Variants in KCNK10 observed in about 807,000 individuals in gnomAD.
KCNK10 encodes the protein potassium two pore domain channel subfamily K member 10.
In KCNK10, 25 loss-of-function variants were observed where a neutral mutation model predicts 47.7. The observed-to-expected ratio is 0.52, with a 90% CI of 0.38 to 0.73. The LOEUF (loss-of-function observed/expected upper bound fraction) is 0.73. Ranked by LOEUF, KCNK10 falls within the 30% of genes least tolerant of loss-of-function variation. The pLI, the probability that KCNK10 is intolerant of heterozygous loss-of-function variation, is 0.00. For synonymous variants in KCNK10, 303 were observed against 285.6 expected (o/e 1.06, Z -0.61); for missense variants, 563 against 714.5 (o/e 0.79, Z 2.42).
chr14:88,261,030 A>G (rs1483568231), intron 2 of KCNK10, among the ~76,000 whole-genome samples: 1 of 152,248 alleles, frequency 6.6e-6, no homozygotes, highest in East Asian at 1.9e-4. Flanking sequence ...GAATTAATCA[A>G]CAAATGCATG....
chr14:88,317,867 A>T (rs1042580836), intron 1 of KCNK10, among the ~76,000 whole-genome samples: 2 of 133,008 alleles, frequency 1.5e-5, no homozygotes, highest in Admixed American at 7.1e-5. Context: ...TGTAGCATTT[A>T]AAAAAAAATC....
rs143556471 is a variant in KCNK10, at chr14:88,318,198, A to G, written c.52+4549T>C. On this transcript the variant is annotated intron_variant, in intron 1 of 6. Transcript: ENST00000319231. Reference sequence around the variant, plus strand: ...CCTTTCTCCTTATTTGTACTTTGCCATTTATAGCTGAGAGGCGTCCTGCAA... The same window carrying G: ...CCTTTCTCCTTATTTGTACTTTGCCGTTTATAGCTGAGAGGCGTCCTGCAA... Among the ~76,000 whole-genome samples the G allele has an allele frequency of 5.5e-3, 842 of 152,348 alleles. 3 individuals are homozygous for G. The highest frequency in any genetic ancestry group is 8.7e-3 in the Non-Finnish European group (594 of 68,034).
chr14:88,267,147 C>T (rs537941002), intron 1 of KCNK10, among the ~76,000 whole-genome samples: 5 of 152,240 alleles, frequency 3.3e-5, no homozygotes, highest in Admixed American at 1.3e-4. Flanking sequence ...TTTTTCTAAA[C>T]GTCCACAGGG....
chr14:88,260,396 G>A lies in KCNK10; in HGVS notation c.402+2806C>T, dbSNP rs894466751. 9.8e-5 allele frequency among the ~76,000 whole-genome samples: 15 copies of A among 152,314 alleles called. No homozygotes were observed. The highest frequency in any genetic ancestry group is 6.8e-3 in the Middle Eastern group (2 of 294). ...AAGCCATGCTTCCTGCACAGCCTGC[G>A]GAACTGTGAATCAATTAAACCTCTT... On this transcript the variant is annotated intron_variant, in intron 2 of 6. Coordinates refer to ENST00000319231, the MANE Select transcript of KCNK10 (RefSeq NM_138317.3). This position sits in a 1 kb window ranked among gnomAD's most constrained non-coding sequence, Gnocchi z 4.5.
intron 1 of KCNK10, among the ~76,000 whole-genome samples, chr14:88,313,550 C>A (rs1328848081): frequency 6.6e-6 from 1 of 152,166 alleles, no homozygotes; most frequent in African/African-American, 2.4e-5. Context: ...CATGGACAGG[C>A]CCACATTGGC....
At position 88,263,938 on chromosome 14, in the gene KCNK10, T is replaced by C. The variant is rs544701032; in HGVS notation, c.53-387A>G. ...TTAAAAACAAACATGTTGTTGAACT[T>C]GGAGAGGAAGTAAATAGGAGAGGGA... On this transcript the variant is annotated intron_variant, in intron 1 of 6. Transcript: ENST00000319231. Among the ~76,000 whole-genome samples, 63 of 152,272 alleles carry C rather than the reference T, an allele frequency of 4.1e-4. 2 individuals carry two copies. The South Asian group carries it at 9.1e-3, about 22-fold the overall frequency.
intron 1 of KCNK10, among the ~76,000 whole-genome samples, chr14:88,315,506 G>A (rs17124493): frequency 0.2 from 29,785 of 152,032 alleles, 3,117 homozygotes; most frequent in East Asian, 0.28. Context: ...TATTCTGCCT[G>A]TCAGGCTCAT....
chr14:88,321,598 T>C (rs1179501209), intron 1 of KCNK10, among the ~76,000 whole-genome samples: 3 of 152,038 alleles, frequency 2.0e-5, no homozygotes, highest in Non-Finnish European at 4.4e-5. Context: ...AGAGACAAAA[T>C]AGAAGGTTTG....
At chr14:88,239,781 C>T (rs1861580007) in intron 3 of KCNK10, among the ~76,000 whole-genome samples, 1 of 151,942 alleles carries the variant, frequency 6.6e-6, no homozygotes, top group South Asian at 2.1e-4. Context: ...ATCACTTGAA[C>T]CCGTGAGGCG....
At chr14:88,250,626 CT>C (rs1185162587) in intron 2 of KCNK10, among the ~76,000 whole-genome samples, 4 of 152,202 alleles carry the variant, frequency 2.6e-5, no homozygotes, top group African/African-American at 9.6e-5. Context: ...TTCCAACACG[CT>C]GCTTTCCTAA....
At chr14:88,314,114 T>G (rs1317021919) in intron 1 of KCNK10, among the ~76,000 whole-genome samples, 1 of 152,224 alleles carries the variant, frequency 6.6e-6, no homozygotes, top group Non-Finnish European at 1.5e-5. Context: ...CTTGGCCAAG[T>G]TCACACAGTG....
At chr14:88,250,482 C>A (rs1197441523) in intron 2 of KCNK10, among the ~76,000 whole-genome samples, 2 of 152,176 alleles carry the variant, frequency 1.3e-5, no homozygotes, top group African/African-American at 2.4e-5. Flanking sequence ...GCTGCCTGAG[C>A]TGCTACCTAA....
rs546036627 is a variant in KCNK10, at chr14:88,260,012, G to A, written c.402+3190C>T. Among the ~76,000 whole-genome samples the A allele has an allele frequency of 8.6e-4, 131 of 151,968 alleles. No homozygotes were observed. The highest frequency in any genetic ancestry group is 6.8e-3 in the Middle Eastern group (2 of 292). On this transcript the variant is annotated intron_variant, in intron 2 of 6. Transcript: ENST00000319231. This position sits in a 1 kb window ranked among gnomAD's most constrained non-coding sequence, Gnocchi z 4.5. Reference sequence around the variant, plus strand: ...GGCTGGAGTGCAGTGGCATGATCTCGGCTCACTGCAACCTCTGCCTCCCAG... The same window carrying A: ...GGCTGGAGTGCAGTGGCATGATCTCAGCTCACTGCAACCTCTGCCTCCCAG...
chr14:88,207,854 G>C (rs189285091), intron 4 of KCNK10, among the ~76,000 whole-genome samples: 1 of 152,130 alleles, frequency 6.6e-6, no homozygotes, highest in South Asian at 2.1e-4. Context: ...TGTTATTTGG[G>C]GGGGGTGTTG....
intron 1 of KCNK10, among the ~76,000 whole-genome samples, chr14:88,275,919 C>G (rs1428804761): frequency 6.6e-6 from 1 of 151,928 alleles, no homozygotes; most frequent in African/African-American, 2.4e-5. Context: ...CAAGGAGAGT[C>G]CTCTGAAAAA....
At chr14:88,198,407 T>C (rs1418712723) in intron 4 of KCNK10, among the ~76,000 whole-genome samples, 8 of 152,152 alleles carry the variant, frequency 5.3e-5, no homozygotes, top group Admixed American at 5.2e-4. Context: ...AAATTCTAAA[T>C]TTATCCTACT....
chr14:88,251,637 T>C (rs931336026), intron 2 of KCNK10, among the ~76,000 whole-genome samples: 1 of 152,402 alleles, frequency 6.6e-6, no homozygotes, highest in East Asian at 1.9e-4. Context: ...TTTGGGTTTA[T>C]ACGAAGAACC....
intron 4 of KCNK10, among the ~76,000 whole-genome samples, chr14:88,204,570 C>T (rs116421334): frequency 1.2e-4 from 17 of 142,946 alleles, no homozygotes; most frequent in South Asian, 2.3e-4. Flanking sequence ...CCCCACCCCC[C>T]GCCATTTCCC....
chr14:88,249,690 T>A (rs1330167583), intron 2 of KCNK10, among the ~76,000 whole-genome samples: 1 of 152,140 alleles, frequency 6.6e-6, no homozygotes, highest in African/African-American at 2.4e-5. Context: ...TCTCTGTTCC[T>A]CTGTTGCTTA....
Sources: gnomAD v4.1 joint callset for allele counts (sites outside exome capture counted in the v4.1 genomes callset) on GRCh38, gnomAD v4.1.1 for gene constraint, Gnocchi (gnomAD v3.1) non-coding constraint, MANE v1.5 for transcripts, NCBI Gene and HGNC (gene_info 2026-07-23, HGNC 2026-07-21) for gene names.